The following GRIK4 variants were observed in gnomAD, a reference collection of about 807,000 sequenced individuals.
GRIK4 encodes the protein glutamate ionotropic receptor kainate type subunit 4.
In GRIK4, 40 loss-of-function variants were observed where a neutral mutation model predicts 104.9. The ratio of observed to expected loss-of-function variants is 0.38; its 90% CI spans 0.30 to 0.50. GRIK4 has a LOEUF of 0.50. GRIK4 is among the 20% of genes least tolerant of loss of function. GRIK4 has a pLI of 0.93. For synonymous variants in GRIK4, 485 were observed against 524.9 expected (o/e 0.92, Z 1.04); for missense variants, 1,047 against 1,308.1 (o/e 0.80, Z 3.08).
chr11:120,784,429 C>T (rs1001476021), intron 3 of GRIK4, among the ~76,000 whole-genome samples: 13 of 152,298 alleles, frequency 8.5e-5, no homozygotes, highest in African/African-American at 3.1e-4. Context: ...CCATTCTAAT[C>T]TGTCATTTTC....
chr11:120,753,043 G>A (rs946898326), intron 3 of GRIK4, among the ~76,000 whole-genome samples: 1 of 152,236 alleles, frequency 6.6e-6, no homozygotes, highest in Non-Finnish European at 1.5e-5. Context: ...GTGCTCAGCT[G>A]GATGGGGACT....
chr11:120,786,806 C>T (rs1189378878), intron 3 of GRIK4, among the ~76,000 whole-genome samples: 1 of 152,190 alleles, frequency 6.6e-6, no homozygotes, highest in Admixed American at 6.5e-5. Flanking sequence ...TCTCAACACC[C>T]CCCACCTACA....
chr11:120,872,200 C>G, intron 9 of GRIK4: 1 of 309,542 alleles, frequency 3.2e-6, no homozygotes, highest in Admixed American at 4.3e-5. Context: ...GGGACTGCTG[C>G]TTCTCTTTTA....
chr11:120,930,004 G>GGC (rs1555096696), intron 13 of GRIK4, among the ~76,000 whole-genome samples: 6 of 145,728 alleles, frequency 4.1e-5, no homozygotes, highest in African/African-American at 2.7e-5. Context: ...GCCACGTTTG[G>GGC]GGGGGGGGTC....
chr11:120,703,207 T>C (rs758227181), intron 3 of GRIK4, among the ~76,000 whole-genome samples: 12 of 152,188 alleles, frequency 7.9e-5, no homozygotes, highest in Non-Finnish European at 1.2e-4. Context: ...AATTTAAATA[T>C]AAAGAGCCAT....
intron 3 of GRIK4, among the ~76,000 whole-genome samples, chr11:120,792,817 C>T (rs1380771862): frequency 1.3e-5 from 2 of 152,090 alleles, no homozygotes; most frequent in African/African-American, 2.4e-5. Context: ...GGAGATGTCA[C>T]CAGGCTGTTG....
intron 1 of GRIK4, among the ~76,000 whole-genome samples, chr11:120,545,606 G>A (rs1405496295): frequency 6.6e-6 from 1 of 152,236 alleles, no homozygotes; most frequent in African/African-American, 2.4e-5. Context: ...CAGCGAAGAA[G>A]TGATGAGATT....
At chr11:120,864,583 C>G (rs1835176042) in intron 9 of GRIK4, among the ~76,000 whole-genome samples, 2 of 152,150 alleles carry the variant, frequency 1.3e-5, no homozygotes, top group African/African-American at 2.4e-5. Context: ...AGTACAATAT[C>G]AAGAAAGGAG....
intron 3 of GRIK4, among the ~76,000 whole-genome samples, chr11:120,789,082 T>G (rs77427403): frequency 1.9e-3 from 293 of 152,272 alleles, no homozygotes; most frequent in African/African-American, 6.4e-3. Context: ...TTAGCCTGGT[T>G]CTTCCTCTCC....
rs565819642 is a variant in GRIK4, at chr11:120,967,211, C to T, written c.2283C>T (p.Asp761=). ...IGMPVGSVFR[D]EFDLAILQLQ... Reference sequence around the variant, plus strand: ...CCCCCGCAGGCTCGGTTTTCCGGGACGAGTTTGATCTGGCCATTCTCCAGC... The same window carrying T: ...CCCCCGCAGGCTCGGTTTTCCGGGATGAGTTTGATCTGGCCATTCTCCAGC... The change falls in exon 19 of 21, where the codon GAC becomes GAT. Residue 761 remains aspartate (D), a synonymous_variant. Coordinates refer to ENST00000527524, the MANE Select transcript of GRIK4 (RefSeq NM_014619.5). The surrounding 1 kb of genome is among the most constrained non-coding windows in gnomAD (Gnocchi z 4.2). 1.5e-5 allele frequency: 25 copies of T among 1,613,190 alleles called. No individual in the cohort carries two copies. The East Asian group carries it at 3.1e-4, about 20-fold the overall frequency.
intron 3 of GRIK4, among the ~76,000 whole-genome samples, chr11:120,746,319 C>A (rs184025247): frequency 6.6e-6 from 1 of 152,112 alleles, no homozygotes; most frequent in Non-Finnish European, 1.5e-5. Context: ...TGGAGCTTCC[C>A]TTTCTGAAAA....
chr11:120,972,372 TTTAAGTTCCAAA>T, intron 19 of GRIK4, among the ~76,000 whole-genome samples: 1 of 152,312 alleles, frequency 6.6e-6, no homozygotes, highest in Middle Eastern at 3.4e-3. Flanking sequence ...AATTATTGGC[TTTAAGTTCCAAA>T]ATAAGTTCTT....
At chr11:120,929,231 G>T (rs1383930292) in intron 13 of GRIK4, among the ~76,000 whole-genome samples, 4 of 152,140 alleles carry the variant, frequency 2.6e-5, no homozygotes, top group African/African-American at 4.8e-5. Flanking sequence ...TTTGTCTCCA[G>T]CCCGCGGCGG....
At chr11:120,603,605 G>T (rs1948915985) in intron 1 of GRIK4, among the ~76,000 whole-genome samples, 1 of 152,148 alleles carries the variant, frequency 6.6e-6, no homozygotes, top group African/African-American at 2.4e-5. Flanking sequence ...AGCCTGCCCT[G>T]GAAGATGTCC....
At chr11:120,836,670 T>A (rs1031756783) in intron 7 of GRIK4, 121 bp from the exon 8 acceptor site, 1 of 734,218 alleles carries the variant, frequency 1.4e-6, no homozygotes, top group Non-Finnish European at 2.5e-6. Context: ...AGATGTTCTG[T>A]TCTGCCTGGT....
At chr11:120,849,443 G>A (rs1202820128) in intron 8 of GRIK4, among the ~76,000 whole-genome samples, 5 of 152,168 alleles carry the variant, frequency 3.3e-5, no homozygotes, top group Non-Finnish European at 7.3e-5. Context: ...TCGGCCTTCC[G>A]TCTACTGATC....
At chr11:120,554,527 GTC>G (rs745429401) in intron 1 of GRIK4, among the ~76,000 whole-genome samples, 3 of 151,882 alleles carry the variant, frequency 2.0e-5, no homozygotes, top group Non-Finnish European at 4.4e-5. Context: ...TTTCCTTCCA[GTC>G]TCTCTCTGTC....
intron 3 of GRIK4, among the ~76,000 whole-genome samples, chr11:120,719,096 T>C (rs1777804880): frequency 6.6e-6 from 1 of 152,126 alleles, no homozygotes; most frequent in Admixed American, 6.5e-5. Context: ...TTTTAAAGTG[T>C]ATAATGAATA....
chr11:120,832,656 T>C (rs1358140859), intron 7 of GRIK4, among the ~76,000 whole-genome samples: 1 of 152,144 alleles, frequency 6.6e-6, no homozygotes, highest in Admixed American at 6.5e-5. Context: ...CTCTCTTATC[T>C]GCAAATCAGG....
Sources: allele counts gnomAD v4.1 joint callset (sites outside exome capture counted in the v4.1 genomes callset), GRCh38; gene constraint gnomAD v4.1.1; non-coding constraint Gnocchi (gnomAD v3.1); transcripts MANE v1.5; gene names NCBI Gene and HGNC (gene_info 2026-07-23, HGNC 2026-07-21).